Variants in MAP7 observed in about 807,000 individuals in gnomAD.
MAP7 encodes the protein microtubule associated protein 7, also known as ensconsin.
MAP7 carries 52 observed loss-of-function variants against 94.8 expected under a neutral mutation model. That is an observed-to-expected ratio of 0.55 (90% confidence interval 0.44 to 0.69). The LOEUF (loss-of-function observed/expected upper bound fraction) is 0.69, where lower values mean the gene tolerates loss of function less well. MAP7 is among the 30% of genes least tolerant of loss of function. The probability of loss-of-function intolerance (pLI) is 0.00; values close to 1 mark genes in which losing one functional copy is unlikely to be tolerated. For synonymous variants in MAP7, 350 were observed against 357.0 expected (o/e 0.98, Z 0.22); for missense variants, 940 against 964.6 (o/e 0.97, Z 0.34).
chr6:136,417,630 C>CT lies in MAP7; in HGVS notation c.166+4070dup, dbSNP rs562407805. ...TATTCAATGAAGAGTTATTATGCCTCTTTTTCAAATGAAAAAACTCAGAGA... is the reference window on the plus strand; with the variant it reads ...TATTCAATGAAGAGTTATTATGCCTCTTTTTTCAAATGAAAAAACTCAGAGA... On this transcript the variant is annotated intron_variant, in intron 2 of 17. Coordinates refer to ENST00000354570, the MANE Select transcript of MAP7 (RefSeq NM_003980.6). Among the ~76,000 whole-genome samples, 55 of 152,296 alleles carry CT rather than the reference C, an allele frequency of 3.6e-4. No homozygotes were observed. The South Asian group carries it at 0.01, about 29-fold the overall frequency.
intron 1 of MAP7, among the ~76,000 whole-genome samples, chr6:136,470,904 C>A (rs1252149761): frequency 6.6e-6 from 1 of 151,608 alleles, no homozygotes; most frequent in African/African-American, 2.4e-5. Context: ...AATGTTTTTT[C>A]CTTGCAGAGT....
intron 12 of MAP7, 79 bp downstream of exon 12, chr6:136,360,926 C>T: frequency 1.9e-6 from 3 of 1,539,914 alleles, no homozygotes; most frequent in Non-Finnish European, 2.6e-6. Context: ...ACCAGCAGTC[C>T]AGTCCGCACC....
chr6:136,394,968 A>ATCTATC, intron 3 of MAP7, among the ~76,000 whole-genome samples: 1 of 130,592 alleles, frequency 7.7e-6, no homozygotes, highest in African/African-American at 2.9e-5. Flanking sequence ...ATATATATAT[A>ATCTATC]TATCACATTT....
At chr6:136,353,937 G>A (rs1235025900) in intron 16 of MAP7, among the ~76,000 whole-genome samples, 1 of 151,900 alleles carries the variant, frequency 6.6e-6, no homozygotes, top group Non-Finnish European at 1.5e-5. Flanking sequence ...CCCTAGAAAT[G>A]GAAATCAAGG....
chr6:136,508,656 A>G (rs1822312106), intron 1 of MAP7, among the ~76,000 whole-genome samples: 2 of 152,226 alleles, frequency 1.3e-5, no homozygotes, highest in Non-Finnish European at 1.5e-5. Flanking sequence ...AAAAGAAAAG[A>G]TAATGCTAAA....
chr6:136,448,282 C>T (rs752872676), intron 1 of MAP7, among the ~76,000 whole-genome samples: 19 of 152,200 alleles, frequency 1.2e-4, no homozygotes, highest in East Asian at 1.9e-4. Context: ...GGTGTCTGTG[C>T]GGGAAAAACA....
intron 1 of MAP7, among the ~76,000 whole-genome samples, chr6:136,485,694 C>G (rs1013189775): frequency 2.7e-5 from 4 of 149,860 alleles, no homozygotes; most frequent in African/African-American, 7.3e-5. Flanking sequence ...TCCCAAGTAG[C>G]TGGGACTACA....
chr6:136,478,322 C>T (rs1374602816), intron 1 of MAP7, among the ~76,000 whole-genome samples: 1 of 152,048 alleles, frequency 6.6e-6, no homozygotes, highest in Non-Finnish European at 1.5e-5. Context: ...GTGGCTCAGG[C>T]CTGTAATCCC....
chr6:136,446,372 T>C, intron 1 of MAP7, among the ~76,000 whole-genome samples: 1 of 151,494 alleles, frequency 6.6e-6, no homozygotes, highest in East Asian at 2.0e-4. Context: ...CAGAGGTGGA[T>C]AGGGCACAGC....
intron 2 of MAP7, among the ~76,000 whole-genome samples, chr6:136,420,861 A>G (rs1212974531): frequency 3.9e-5 from 6 of 152,294 alleles, no homozygotes; most frequent in Non-Finnish European, 5.9e-5. Context: ...AATGTTCTCT[A>G]TAAGGTTAGA....
intron 1 of MAP7, among the ~76,000 whole-genome samples, chr6:136,454,108 C>T (rs1802009638): frequency 6.6e-6 from 1 of 152,062 alleles, no homozygotes; most frequent in Admixed American, 6.6e-5. Flanking sequence ...TCCCAAACTG[C>T]CAAATCCTCC....
intron 1 of MAP7, among the ~76,000 whole-genome samples, chr6:136,536,751 A>C (rs1828919571): frequency 6.6e-6 from 1 of 152,244 alleles, no homozygotes; most frequent in Non-Finnish European, 1.5e-5. Context: ...TGTTTACTAC[A>C]AAAAGAGGGA....
In MAP7 at chr6:136,541,986, G is replaced by A. The variant is rs996178160; in HGVS notation, c.67+8356C>T. Among the ~76,000 whole-genome samples the A allele has an allele frequency of 5.9e-5, 9 of 152,134 alleles. No individual in the cohort carries two copies. In the East Asian group the frequency reaches 1.7e-3, roughly 29 times the overall value. ...AGGCACAAGAATCATTTGAACCTGGGAGGCAGAGGTTACCGTGAGCCAAGT... is the reference window on the plus strand; with the variant it reads ...AGGCACAAGAATCATTTGAACCTGGAAGGCAGAGGTTACCGTGAGCCAAGT... On this transcript the variant is annotated intron_variant, in intron 1 of 17. Coordinates refer to ENST00000354570, the MANE Select transcript of MAP7 (RefSeq NM_003980.6).
At chr6:136,489,288 C>T (rs1027766452) in intron 1 of MAP7, among the ~76,000 whole-genome samples, 9 of 151,950 alleles carry the variant, frequency 5.9e-5, no homozygotes, top group African/African-American at 1.9e-4. Context: ...TCCTGAAAAA[C>T]AACTCATGAA....
At chr6:136,468,800 G>A (rs970566282) in intron 1 of MAP7, among the ~76,000 whole-genome samples, 1 of 152,082 alleles carries the variant, frequency 6.6e-6, no homozygotes. Context: ...ACTATGTTCT[G>A]CTGCAGCATC....
chr6:136,420,125 C>G, intron 2 of MAP7: 2 of 867,744 alleles, frequency 2.3e-6, no homozygotes, highest in Admixed American at 1.7e-5. Context: ...GGAGCACAAT[C>G]TTTAATCAAA....
At chr6:136,523,102 T>A (rs1482654491) in intron 1 of MAP7, among the ~76,000 whole-genome samples, 1 of 152,152 alleles carries the variant, frequency 6.6e-6, no homozygotes, top group Non-Finnish European at 1.5e-5. Context: ...CAACAAATGA[T>A]ACAGGCAACT....
chr6:136,489,912 T>C (rs535749196), intron 1 of MAP7, among the ~76,000 whole-genome samples: 2 of 152,272 alleles, frequency 1.3e-5, no homozygotes, highest in Admixed American at 1.3e-4. Context: ...CTACCATGGA[T>C]GGATATATCA....
At chr6:136,414,077 G>A (rs1305535523) in intron 2 of MAP7, among the ~76,000 whole-genome samples, 13 of 151,134 alleles carry the variant, frequency 8.6e-5, no homozygotes, top group Admixed American at 7.9e-4. Flanking sequence ...GTGAAACCCC[G>A]TCTCTACTAA....
Sources: gnomAD v4.1 joint callset for allele counts (sites outside exome capture counted in the v4.1 genomes callset) on GRCh38, gnomAD v4.1.1 for gene constraint, MANE v1.5 for transcripts, NCBI Gene and HGNC (gene_info 2026-07-23, HGNC 2026-07-21) for gene names.